The following SLC12A7 variants were observed in gnomAD, a reference collection of about 807,000 sequenced individuals.
SLC12A7 encodes solute carrier family 12 member 7, also known as K-Cl cotransporter 4.
In SLC12A7, 100 loss-of-function variants were observed where a neutral mutation model predicts 120.6. The observed-to-expected ratio is 0.83, with a 90% CI of 0.71 to 0.98. SLC12A7 has a LOEUF of 0.98. Ranked by LOEUF, SLC12A7 falls within the 50% of genes least tolerant of loss-of-function variation. The pLI, the probability that SLC12A7 is intolerant of heterozygous loss-of-function variation, is 0.00. For missense variants in SLC12A7, 1,373 were observed against 1,548.1 expected (o/e 0.89, Z 1.90); for synonymous variants, 760 against 678.0 (o/e 1.12, Z -1.88).
intron 9 of SLC12A7, 44 bp downstream of exon 9, chr5:1,081,533 G>A (rs370784074): frequency 3.2e-6 from 5 of 1,574,476 alleles, no homozygotes; most frequent in African/African-American, 1.3e-5. Context: ...AAAAAGAGAG[G>A]GAGAGAAAGA....
chr5:1,103,237 C>T (rs1742183732), intron 1 of SLC12A7, among the ~76,000 whole-genome samples: 1 of 152,138 alleles, frequency 6.6e-6, no homozygotes, highest in African/African-American at 2.4e-5. Context: ...AAAACAGGCC[C>T]TTCATCACCC....
the SLC12A7 span, among the ~76,000 whole-genome samples, chr5:1,132,460 C>T: frequency 6.6e-6 from 1 of 152,072 alleles, no homozygotes; most frequent in Admixed American, 6.5e-5. Context: ...GACTCACCTC[C>T]AATTCTTTCT....
chr5:1,053,533 C>T (rs372659891), intron 22 of SLC12A7, 51 bp from the exon 23 acceptor site: 7 of 1,596,062 alleles, frequency 4.4e-6, no homozygotes, highest in South Asian at 2.3e-5. Flanking sequence ...CCCCACGCTC[C>T]GGACACGAGG....
At chr5:1,061,885 C>A (rs1320473981) in intron 20 of SLC12A7, among the ~76,000 whole-genome samples, 1 of 152,158 alleles carries the variant, frequency 6.6e-6, no homozygotes, top group Non-Finnish European at 1.5e-5. Context: ...TTGCCTGAAC[C>A]CAGGAGGTGG....
chr5:1,092,473 G>T (rs368525329), intron 3 of SLC12A7, among the ~76,000 whole-genome samples: 1 of 152,186 alleles, frequency 6.6e-6, no homozygotes, highest in African/African-American at 2.4e-5. Flanking sequence ...GCCTCTACCT[G>T]GCACTACAAA....
At chr5:1,103,922 C>T (rs1040066941) in intron 1 of SLC12A7, among the ~76,000 whole-genome samples, 6 of 152,346 alleles carry the variant, frequency 3.9e-5, no homozygotes, top group Admixed American at 1.3e-4. Flanking sequence ...ATGGAGGGGC[C>T]GTGGGGTCCC....
chr5:1,135,072 A>C, the SLC12A7 span, among the ~76,000 whole-genome samples: 1 of 151,762 alleles, frequency 6.6e-6, no homozygotes, highest in African/African-American at 2.4e-5. Context: ...GGCTGCAGTG[A>C]GCCGAGATCT....
rs145103734 is a variant in SLC12A7 at position 1,052,386 on chromosome 5, G to C, written c.3226C>G (p.Arg1076Gly). 6.2e-7 allele frequency: 1 copy of C among 1,612,856 alleles called. No homozygotes were observed. Among genetic ancestry groups the C allele is most frequent in the Non-Finnish European group, 8.5e-7 (1 of 1,179,974 alleles). The change falls in exon 24 of 24, where the codon CGG becomes GGG. Residue 1076 changes from arginine to glycine, a missense_variant. Transcript: ENST00000264930. Reference sequence around the variant, plus strand: ...TAGGAGTAGATGGTGATCACCTCCCGGCCGCCACCCCTGACCAGGAGGACT... The same window carrying C: ...TAGGAGTAGATGGTGATCACCTCCCCGCCGCCACCCCTGACCAGGAGGACT... ...NRVLLVRGGGREVITIYS is the reference protein window; with the variant it reads ...NRVLLVRGGGGEVITIYS
intron 11 of SLC12A7, chr5:1,078,485 G>C: frequency 1.6e-6 from 1 of 611,070 alleles, no homozygotes; most frequent in Non-Finnish European, 3.0e-6. Context: ...GCCGCATCAG[G>C]GCTTGGAGTT....
In SLC12A7 at chr5:1,088,237, G is replaced by A. The variant is rs545137737; in HGVS notation, c.544+69C>T. 2,997 of 1,505,784 alleles carry A rather than the reference G, an allele frequency of 2.0e-3. 16 individuals carry two copies. The highest frequency in any genetic ancestry group is 1.4e-3 in the Non-Finnish European group (1,590 of 1,108,538). The allele number at this position is 1,505,784 out of a possible 1,614,324, so 93.3% of individuals were successfully genotyped here. A position where few individuals can be genotyped will look rare whatever the true frequency, so the allele number is the denominator to read the frequency against. On this transcript the variant is annotated intron_variant, in intron 5 of 23. Transcript: ENST00000264930. ...CGGCCTCGCCAAGCGGCCTCCTCGCGGTTGCCGTGCGGCAAAACACAGACT... is the reference window on the plus strand; with the variant it reads ...CGGCCTCGCCAAGCGGCCTCCTCGCAGTTGCCGTGCGGCAAAACACAGACT...
Position 1,083,069 on chromosome 5 carries a change from TG to T in SLC12A7, c.1129+675del, listed in dbSNP as rs1367115272. 1.5e-5 allele frequency among the ~76,000 whole-genome samples: 2 copies of T among 133,306 alleles called. 1 individual carries two copies. Among genetic ancestry groups the T allele is most frequent in the Non-Finnish European group, 3.2e-5 (2 of 62,060 alleles). The allele number at this position is 133,306 out of a possible 152,430, so 87.5% of individuals were successfully genotyped here. The stretch of plus-strand genomic sequence containing the variant: ...TCTGGAAAGTCCAGGCTTCCCGTCT[TG>T]GGTTCTGGAAAGCCTGGGCTTCCTC... On this transcript the variant is annotated intron_variant, in intron 8 of 23. Coordinates refer to ENST00000264930, the MANE Select transcript of SLC12A7 (RefSeq NM_006598.3).
intron 17 of SLC12A7, among the ~76,000 whole-genome samples, chr5:1,066,274 C>T (rs1242634459): frequency 6.6e-6 from 1 of 152,242 alleles, no homozygotes; most frequent in East Asian, 1.9e-4. Flanking sequence ...CACCTCCTCA[C>T]TTGCACATCT....
In SLC12A7 at chr5:1,107,921, C is replaced by T. The variant is rs145716848; in HGVS notation, c.124+3947G>A. The stretch of plus-strand genomic sequence containing the variant: ...AGCCCCTCACCACTCACTGATGGGC[C>T]TAGACCAGGGGGAGGGAACGGATAC... On this transcript the variant is annotated intron_variant, in intron 1 of 23. Coordinates refer to ENST00000264930, the MANE Select transcript of SLC12A7 (RefSeq NM_006598.3). 2.6e-3 allele frequency among the ~76,000 whole-genome samples: 391 copies of T among 152,268 alleles called. 7 individuals carry two copies. The highest frequency in any genetic ancestry group is 0.016 in the South Asian group (76 of 4,824).
intron 23 of SLC12A7, among the ~76,000 whole-genome samples, chr5:1,052,828 G>T (rs1194294840): frequency 6.6e-6 from 1 of 152,232 alleles, no homozygotes; most frequent in Non-Finnish European, 1.5e-5. Context: ...GCCCTCACTG[G>T]CCCCAGTTCT....
chr5:1,079,311 C>A, intron 10 of SLC12A7, 87 bp downstream of exon 10: 1 of 1,032,578 alleles, frequency 9.7e-7, no homozygotes, highest in Non-Finnish European at 1.5e-6. Context: ...TGCTGGTGGC[C>A]GAGGGTATGA....
At chr5:1,080,104 C>T (rs970485306) in intron 9 of SLC12A7, among the ~76,000 whole-genome samples, 1 of 151,854 alleles carries the variant, frequency 6.6e-6, no homozygotes, top group Non-Finnish European at 1.5e-5. Flanking sequence ...GGCAGCAGAG[C>T]CCACAATCCA....
intron 8 of SLC12A7, among the ~76,000 whole-genome samples, chr5:1,083,128 CTCGGGTTCTGGGAAGTCCAGGCTTCCCGT>C: frequency 1.8e-5 from 1 of 55,820 alleles, no homozygotes; most frequent in Non-Finnish European, 4.8e-5. Context: ...GCTTCCCCAT[CTCGGGTTCTGGGAAGTCCAGGCTTCCCGT>C]CTCGGGTTCT....
At chr5:1,147,147 G>A in the SLC12A7 span, among the ~76,000 whole-genome samples, 2 of 151,968 alleles carry the variant, frequency 1.3e-5, no homozygotes, top group East Asian at 3.9e-4. Flanking sequence ...ACAAATGAAC[G>A]GAACACCCCT....
At chr5:1,122,343 G>A in the SLC12A7 span, among the ~76,000 whole-genome samples, 3 of 152,070 alleles carry the variant, frequency 2.0e-5, no homozygotes, top group Non-Finnish European at 4.4e-5. Flanking sequence ...GAAAATTCTG[G>A]CTGCCCAGCA....
Sources: gnomAD v4.1 joint callset for allele counts (sites outside exome capture counted in the v4.1 genomes callset) on GRCh38, gnomAD v4.1.1 for gene constraint, MANE v1.5 for transcripts, NCBI Gene and HGNC (gene_info 2026-07-23, HGNC 2026-07-21) for gene names.